The following CADPS variants were observed in gnomAD, a reference collection of about 807,000 sequenced individuals.
CADPS encodes the protein calcium dependent secretion activator.
In CADPS, 57 loss-of-function variants were observed where a neutral mutation model predicts 167.3. The observed-to-expected ratio is 0.34, with a 90% CI of 0.28 to 0.42. The LOEUF (loss-of-function observed/expected upper bound fraction) is 0.42. Among genes scored for constraint, CADPS ranks in the 20% least tolerant of loss-of-function variants. The pLI is 1.00. For missense variants in CADPS, 1,414 were observed against 1,738.1 expected (o/e 0.81, Z 3.32); for synonymous variants, 676 against 635.3 (o/e 1.06, Z -0.96).
At chr3:62,854,969 G>A (rs1477820231) in intron 1 of CADPS, among the ~76,000 whole-genome samples, 1 of 152,060 alleles carries the variant, frequency 6.6e-6, no homozygotes, top group African/African-American at 2.4e-5. Flanking sequence ...CTGTCACCCA[G>A]GCTGGAGTAC....
intron 1 of CADPS, among the ~76,000 whole-genome samples, chr3:62,813,364 A>T (rs950510956): frequency 3.1e-4 from 47 of 152,260 alleles, no homozygotes; most frequent in Admixed American, 2.6e-3. Context: ...AGCAATGGGG[A>T]AAGGACTCCT....
At chr3:62,800,996 G>A (rs2093728660) in intron 1 of CADPS, among the ~76,000 whole-genome samples, 1 of 152,116 alleles carries the variant, frequency 6.6e-6, no homozygotes, top group African/African-American at 2.4e-5. Context: ...GGGGTAGATG[G>A]TAAGAGTAGA....
chr3:62,769,071 C>T (rs573192837), intron 1 of CADPS, among the ~76,000 whole-genome samples: 268 of 152,258 alleles, frequency 1.8e-3, no homozygotes, highest in Non-Finnish European at 3.1e-3. Context: ...AAATGACTAA[C>T]CTCTCTAAAG....
chr3:62,427,961 G>A (rs903149126), intron 28 of CADPS, among the ~76,000 whole-genome samples: 2 of 152,134 alleles, frequency 1.3e-5, no homozygotes, highest in Admixed American at 6.6e-5. Context: ...TCCCATCCTG[G>A]GCAAGACCTG....
chr3:62,670,116 C>T (rs760762963), intron 3 of CADPS, among the ~76,000 whole-genome samples: 2 of 152,134 alleles, frequency 1.3e-5, no homozygotes, highest in Non-Finnish European at 2.9e-5. Flanking sequence ...TGCTTAACCT[C>T]TCGGAGCATC....
chr3:62,431,903 C>T (rs970771030), intron 28 of CADPS, among the ~76,000 whole-genome samples: 8 of 151,070 alleles, frequency 5.3e-5, no homozygotes, highest in Non-Finnish European at 1.0e-4. Flanking sequence ...AAAAAAAACA[C>T]CACTGATAAT....
rs372530979 is a variant in CADPS at position 62,724,538 on chromosome 3, CA to C, written c.888+28902del. 2.2e-3 allele frequency among the ~76,000 whole-genome samples: 331 copies of C among 151,776 alleles called. 2 individuals carry two copies. Among genetic ancestry groups the C allele is most frequent in the East Asian group, 0.021 (109 of 5,160 alleles). On this transcript the variant is annotated intron_variant, in intron 3 of 29. Transcript: ENST00000383710. ...TCATAAACAAAAGGAATTTTAGTGC[CA>C]AAAAAAAGTAGAAAAGCGGTAGTTT...
chr3:62,587,461 T>C (rs545974358), intron 7 of CADPS, among the ~76,000 whole-genome samples: 1 of 152,246 alleles, frequency 6.6e-6, no homozygotes, highest in Admixed American at 6.5e-5. Context: ...AAGCTGACCC[T>C]CCATCCTGAG....
intron 6 of CADPS, among the ~76,000 whole-genome samples, chr3:62,610,262 TTC>T (rs940589338): frequency 5.9e-5 from 9 of 151,780 alleles, no homozygotes; most frequent in African/African-American, 1.9e-4. Flanking sequence ...TTTTCTTTCT[TTC>T]TTCCTTTTTG....
At chr3:62,693,901 A>C (rs1031452830) in intron 3 of CADPS, among the ~76,000 whole-genome samples, 6 of 152,046 alleles carry the variant, frequency 3.9e-5, no homozygotes, top group African/African-American at 7.3e-5. Flanking sequence ...GTTTATGTTC[A>C]TCAGTTCTAA....
intron 3 of CADPS, among the ~76,000 whole-genome samples, chr3:62,673,977 A>T (rs1387188965): frequency 6.6e-6 from 1 of 152,184 alleles, no homozygotes. Flanking sequence ...ATCAAATCGA[A>T]TGCTTTTGCT....
At chr3:62,790,991 C>A in intron 1 of CADPS, among the ~76,000 whole-genome samples, 1 of 101,312 alleles carries the variant, frequency 9.9e-6, no homozygotes. Flanking sequence ...CATGTGTTGG[C>A]TCCTAAGTAA....
intron 3 of CADPS, among the ~76,000 whole-genome samples, chr3:62,728,013 G>A (rs1428484292): frequency 2.0e-4 from 30 of 151,770 alleles, no homozygotes; most frequent in Admixed American, 1.9e-3. Flanking sequence ...TGCACCCTTT[G>A]ATTATGTTTA....
chr3:62,814,245 A>G (rs1292714120), intron 1 of CADPS: 2 of 152,152 alleles, frequency 1.3e-5, no homozygotes, highest in Non-Finnish European at 2.9e-5. Context: ...AAAACACAGT[A>G]AAAATGTAAC....
At chr3:62,526,543 C>T (rs981229353) in intron 13 of CADPS, among the ~76,000 whole-genome samples, 2 of 152,038 alleles carry the variant, frequency 1.3e-5, no homozygotes, top group Non-Finnish European at 2.9e-5. Flanking sequence ...GGATAGTGAC[C>T]AAAGTGATGC....
chr3:62,524,551 A>C (rs2071567426), intron 13 of CADPS, among the ~76,000 whole-genome samples: 1 of 152,198 alleles, frequency 6.6e-6, no homozygotes, highest in African/African-American at 2.4e-5. Context: ...TTAATCTCCA[A>C]ACAAGGCTTG....
intron 10 of CADPS, among the ~76,000 whole-genome samples, chr3:62,553,775 A>AGCAAAGTGAACATCC (rs1214714778): frequency 1.3e-5 from 2 of 152,226 alleles, no homozygotes; most frequent in Non-Finnish European, 2.9e-5. Flanking sequence ...GAGAGGAGAA[A>AGCAAAGTGAACATCC]GCAAAGTGAA....
At chr3:62,577,516 C>T (rs2082517169) in intron 8 of CADPS, among the ~76,000 whole-genome samples, 1 of 152,114 alleles carries the variant, frequency 6.6e-6, no homozygotes, top group South Asian at 2.1e-4. Flanking sequence ...CCAGGTACCT[C>T]AGCTATCTTA....
chr3:62,399,671 G>C lies in CADPS; in HGVS notation c.3883-86C>G. The C allele has an allele frequency of 9.4e-7, 1 of 1,062,318 alleles. No individual in the cohort carries two copies. The highest frequency in any genetic ancestry group is 1.6e-5 in the African/African-American group (1 of 63,468). The allele number at this position is 1,062,318 out of a possible 1,614,324, so 65.8% of individuals were successfully genotyped here. A position where few individuals can be genotyped will look rare whatever the true frequency, so the allele number is the denominator to read the frequency against. On this transcript the variant is annotated intron_variant, in intron 29 of 29. Coordinates refer to ENST00000383710, the MANE Select transcript of CADPS (RefSeq NM_003716.4). This position sits in a 1 kb window ranked among gnomAD's most constrained non-coding sequence, Gnocchi z 5.6. ...GGTAAAAGCAGGTGTGGGTGGGAGA[G>C]CACTGACCTTCAGCTAAATATCACA...
Sources: gnomAD v4.1 joint callset for allele counts (sites outside exome capture counted in the v4.1 genomes callset) on GRCh38, gnomAD v4.1.1 for gene constraint, Gnocchi (gnomAD v3.1) non-coding constraint, MANE v1.5 for transcripts, NCBI Gene and HGNC (gene_info 2026-07-23, HGNC 2026-07-21) for gene names.